Variants in ZNF469 observed in about 807,000 individuals in gnomAD.
ZNF469 encodes the protein zinc finger protein 469.
In ZNF469, 1 loss-of-function variant was observed where a neutral mutation model predicts 1.0. The observed-to-expected ratio is 1.00, with a 90% CI of 0.35 to 4.73. The LOEUF (loss-of-function observed/expected upper bound fraction) is 4.73. Among genes scored for constraint, ZNF469 ranks in the 30% most tolerant of loss-of-function variants. ZNF469 has a pLI of 0.16. For missense variants in ZNF469, 6,100 were observed against 5,356.3 expected (o/e 1.14, Z -4.33); for synonymous variants, 2,703 against 2,363.4 (o/e 1.14, Z -4.17).
In ZNF469 at chr16:88,438,514, G is replaced by C. The variant is rs991134184; in HGVS notation, c.11044G>C (p.Asp3682His). The C allele has an allele frequency of 6.5e-7, 1 of 1,550,130 alleles. No homozygotes were observed. The highest frequency in any genetic ancestry group is 2.0e-5 in the Admixed American group (1 of 51,010). Residue 3682 changes from aspartate (D) to histidine (H), a missense_variant, in exon 3 of 3, where the codon GAC becomes CAC. Physicochemically the swap from Asp to His is moderately conservative, Grantham distance 81 (BLOSUM62 -1). Transcript: ENST00000565624. ...KPAGCQSSSK[D>H]RSAASTPSKA... is the part of the protein sequence containing the mutation. ...TGCGGGCTGCCAGAGCTCATCAAAGGACAGGTCGGCAGCATCCACCCCCAG... is the reference window on the plus strand; with the variant it reads ...TGCGGGCTGCCAGAGCTCATCAAAGCACAGGTCGGCAGCATCCACCCCCAG...
the ZNF469 span, among the ~76,000 whole-genome samples, chr16:88,262,334 T>C: frequency 1.6e-4 from 24 of 152,232 alleles, no homozygotes; most frequent in South Asian, 4.2e-3. The surrounding 1 kb of genome is among the most constrained non-coding windows in gnomAD (Gnocchi z 4.3). Context: ...GCCTGGCTGC[T>C]CAAAGAGCCG....
chr16:88,166,524 C>T, the ZNF469 span, among the ~76,000 whole-genome samples: 1 of 152,152 alleles, frequency 6.6e-6, no homozygotes, highest in African/African-American at 2.4e-5. This position sits in a 1 kb window ranked among gnomAD's most constrained non-coding sequence, Gnocchi z 4.5. Flanking sequence ...CATGGAACCC[C>T]AGGAAGTTCC....
At chr16:88,344,057 C>G in the ZNF469 span, among the ~76,000 whole-genome samples, 6 of 152,064 alleles carry the variant, frequency 3.9e-5, no homozygotes, top group African/African-American at 1.4e-4. Flanking sequence ...CCATAACCCT[C>G]GTCTAATCAT....
At chr16:88,285,686 C>T in the ZNF469 span, among the ~76,000 whole-genome samples, 12 of 152,228 alleles carry the variant, frequency 7.9e-5, no homozygotes, top group Admixed American at 2.0e-4. Flanking sequence ...TCAGGGCCTC[C>T]GTGGGGCCGG....
chr16:88,246,551 C>G, the ZNF469 span, among the ~76,000 whole-genome samples: 2 of 152,226 alleles, frequency 1.3e-5, no homozygotes, highest in Non-Finnish European at 2.9e-5. Context: ...TTAGAATCGC[C>G]AAGAGCGCTT....
At chr16:88,250,459 G>A in the ZNF469 span, among the ~76,000 whole-genome samples, 1 of 151,974 alleles carries the variant, frequency 6.6e-6, no homozygotes, top group East Asian at 1.9e-4. Flanking sequence ...TTCTGTTGTC[G>A]ACGGATTTGT....
chr16:88,177,512 A>G, the ZNF469 span: 11 of 152,204 alleles, frequency 7.2e-5, no homozygotes, highest in African/African-American at 2.4e-4. This position sits in a 1 kb window ranked among gnomAD's most constrained non-coding sequence, Gnocchi z 4.8. Context: ...AGAAAAAGGT[A>G]TCAGTTTTCC....
At chr16:88,255,364 C>T in the ZNF469 span, among the ~76,000 whole-genome samples, 1 of 152,162 alleles carries the variant, frequency 6.6e-6, no homozygotes, top group Non-Finnish European at 1.5e-5. Context: ...TTTCTACATG[C>T]TTTCCCTGTG....
At chr16:88,277,955 C>T in the ZNF469 span, among the ~76,000 whole-genome samples, 5 of 28,906 alleles carry the variant, frequency 1.7e-4, no homozygotes, top group Admixed American at 4.8e-4. Context: ...TATCAGTGCA[C>T]GGTTAGTGCT....
the ZNF469 span, among the ~76,000 whole-genome samples, chr16:88,355,518 C>G: frequency 6.6e-6 from 1 of 152,352 alleles, no homozygotes; most frequent in African/African-American, 2.4e-5. Context: ...CTCCCGCACC[C>G]TGCAGCAGCT....
chr16:88,203,690 C>T, the ZNF469 span, among the ~76,000 whole-genome samples: 1 of 152,082 alleles, frequency 6.6e-6, no homozygotes, highest in African/African-American at 2.4e-5. Context: ...ACTCCAGTCC[C>T]ACCTCATCCT....
At chr16:88,385,979 A>G (rs2092535951) in intron 1 of ZNF469, among the ~76,000 whole-genome samples, 1 of 152,160 alleles carries the variant, frequency 6.6e-6, no homozygotes, top group South Asian at 2.1e-4. Flanking sequence ...GGTTCTGAGG[A>G]CAAGAAAGAC....
the ZNF469 span, among the ~76,000 whole-genome samples, chr16:88,308,612 C>T: frequency 6.6e-6 from 1 of 152,134 alleles, no homozygotes; most frequent in Non-Finnish European, 1.5e-5. Context: ...TCCTTCTCTT[C>T]TTCACTGCTG....
In ZNF469 at chr16:88,429,257, C is replaced by T. The variant is rs756276800; in HGVS notation, c.1787C>T (p.Pro596Leu). Residue 596 changes from proline (P) to leucine (L), a missense_variant, in exon 3 of 3, where the codon CCG (proline) becomes CTG (leucine). Transcript: ENST00000565624. ...ASPSESPLPS[P>L]ATNTAGSTCS... is the part of the protein sequence containing the mutation. ...CCCAGCGAGTCCCCACTGCCGTCAC[C>T]GGCCACCAACACGGCCGGCAGCACC... 128 of 1,549,710 alleles carry T rather than the reference C, an allele frequency of 8.3e-5. No individual in the cohort carries two copies. The highest frequency in any genetic ancestry group is 1.7e-4 in the Middle Eastern group (1 of 6,014).
At chr16:88,146,303 A>G in the ZNF469 span, among the ~76,000 whole-genome samples, 4,043 of 152,264 alleles carry the variant, frequency 0.027, 199 homozygotes, top group African/African-American at 0.093. Flanking sequence ...ACCGTAGCAC[A>G]TCCTCAAGGG....
the ZNF469 span, among the ~76,000 whole-genome samples, chr16:88,208,425 G>A: frequency 2.1e-3 from 302 of 144,732 alleles, 7 homozygotes; most frequent in East Asian, 0.044. Flanking sequence ...GTGCCTCGGT[G>A]TCCAGGGTGT....
At chr16:88,380,257 A>C (rs529380858), upstream of ZNF469, among the ~76,000 whole-genome samples, 1 of 150,978 alleles carries the variant, frequency 6.6e-6, no homozygotes, top group African/African-American at 2.4e-5. Context: ...ATGCACTCAC[A>C]CACGTGCACT....
chr16:88,435,105 C>A lies in ZNF469; in HGVS notation c.7635C>A (p.Asp2545Glu), dbSNP rs781553869. Residue 2545 changes from aspartate to glutamate, a missense_variant, in exon 3 of 3, where the codon GAC (aspartate) becomes GAA (glutamate). Transcript: ENST00000565624. ...GKERPNHSRG[D>E]PSHVTQPPPA... is the part of the protein sequence containing the mutation. ...AGAGACCAAATCACTCACGGGGAGA[C>A]CCCAGCCACGTCACCCAGCCACCGC... The A allele has an allele frequency of 1.3e-6, 2 of 1,550,376 alleles. No individual in the cohort carries two copies. Among genetic ancestry groups the A allele is most frequent in the Admixed American group, 2.0e-5 (1 of 51,006 alleles).
chr16:88,436,732 C>T lies in ZNF469; in HGVS notation c.9262C>T (p.Gln3088Ter). The change falls in exon 3 of 3, where the codon CAG (glutamine) becomes TAG (stop). Residue 3088 changes from glutamine to a stop codon, truncating the protein, a stop_gained. Coordinates refer to ENST00000565624, the MANE Select transcript of ZNF469 (RefSeq NM_001367624.2). LOFTEE classifies it low-confidence loss of function (END_TRUNC). ...FEGTASSQGP[Q>*]SRRTEEAAGA... ...GGGCACGGCGAGCTCACAGGGGCCACAGAGCCGAAGGACAGAGGAGGCTGC... is the reference window on the plus strand; with the variant it reads ...GGGCACGGCGAGCTCACAGGGGCCATAGAGCCGAAGGACAGAGGAGGCTGC... 2 of 1,548,722 alleles carry T rather than the reference C, an allele frequency of 1.3e-6. No homozygotes were observed. Among genetic ancestry groups the T allele is most frequent in the Non-Finnish European group, 1.7e-6 (2 of 1,146,170 alleles).
Sources: gnomAD v4.1 joint callset for allele counts (sites outside exome capture counted in the v4.1 genomes callset) on GRCh38, gnomAD v4.1.1 for gene constraint, Gnocchi (gnomAD v3.1) non-coding constraint, MANE v1.5 for transcripts, NCBI Gene and HGNC (gene_info 2026-07-23, HGNC 2026-07-21) for gene names.